Variants in HIPK2 observed in about 807,000 individuals in gnomAD.
The protein encoded by HIPK2 is homeodomain interacting protein kinase 2.
In HIPK2, 27 loss-of-function variants were observed where a neutral mutation model predicts 113.7. That is an observed-to-expected ratio of 0.24 (90% CI 0.17 to 0.33). The LOEUF (loss-of-function observed/expected upper bound fraction) is 0.33. HIPK2 is among the 10% of genes least tolerant of loss of function. The pLI, the probability that HIPK2 is intolerant of heterozygous loss-of-function variation, is 1.00. For missense variants in HIPK2, 1,257 were observed against 1,588.0 expected, an observed-to-expected ratio of 0.79 and a Z score of 3.54; for synonymous variants, 631 against 642.2, an observed-to-expected ratio of 0.98 and a Z score of 0.26.
intron 6 of HIPK2, among the ~76,000 whole-genome samples, chr7:139,623,379 G>C (rs543650903): frequency 1.3e-5 from 2 of 151,912 alleles, no homozygotes; most frequent in African/African-American, 4.8e-5. Context: ...GGTGTGGTGC[G>C]TGTGCCTGCA....
At chr7:139,581,927 A>AGCCTTGTGGAAGGGACAGCT (rs1798682235) in intron 13 of HIPK2, among the ~76,000 whole-genome samples, 1 of 152,226 alleles carries the variant, frequency 6.6e-6, no homozygotes, top group South Asian at 2.1e-4. Context: ...GACAAATTCT[A>AGCCTTGTGGAAGGGACAGCT]TCCTTTGCAA....
intron 1 of HIPK2, among the ~76,000 whole-genome samples, chr7:139,751,279 A>C (rs1796273985): frequency 6.6e-6 from 1 of 152,198 alleles, no homozygotes; most frequent in African/African-American, 2.4e-5. Context: ...TGCCTTCCTA[A>C]TAGCCATTCC....
intron 1 of HIPK2, among the ~76,000 whole-genome samples, chr7:139,724,187 G>GTT (rs1795501695): frequency 6.6e-6 from 1 of 152,024 alleles, no homozygotes; most frequent in African/African-American, 2.4e-5. Context: ...CCTAGAAAGG[G>GTT]TTAATCTGTA....
chr7:139,635,953 C>A (rs1050649054), intron 2 of HIPK2, among the ~76,000 whole-genome samples: 6 of 152,220 alleles, frequency 3.9e-5, no homozygotes, highest in African/African-American at 1.4e-4. Flanking sequence ...GTTCTCAGCT[C>A]CCCTTCAAGG....
chr7:139,769,299 C>T (rs1255760115), intron 1 of HIPK2, among the ~76,000 whole-genome samples: 2 of 152,244 alleles, frequency 1.3e-5, no homozygotes, highest in South Asian at 4.1e-4. Flanking sequence ...CCACCTCCAT[C>T]TCCACGGCCG....
chr7:139,677,195 A>ATG (rs574762242), intron 2 of HIPK2, among the ~76,000 whole-genome samples: 7,157 of 146,754 alleles, frequency 0.049, 551 homozygotes, highest in African/African-American at 0.18. Context: ...ATGTGTGTGT[A>ATG]TGTGTGTGTG....
rs561170011 is a variant in HIPK2, at chr7:139,721,316, T to G, written c.20-4301A>C. ...AGGAATAAGACACTGCTGGTGGTTT[T>G]GTAGCTTAATCTTAAAATAATCTTA... On this transcript the variant is annotated intron_variant, in intron 1 of 14. Coordinates refer to ENST00000406875, the MANE Select transcript of HIPK2 (RefSeq NM_022740.5). 4.6e-5 allele frequency among the ~76,000 whole-genome samples: 7 copies of G among 152,400 alleles called. 1 individual carries two copies. In the South Asian group the frequency reaches 1.0e-3, roughly 23 times the overall value.
At chr7:139,689,941 T>C (rs1426148954) in intron 2 of HIPK2, among the ~76,000 whole-genome samples, 1 of 151,900 alleles carries the variant, frequency 6.6e-6, no homozygotes, top group Non-Finnish European at 1.5e-5. Context: ...TGGGTGGATG[T>C]CCTTGCTCAC....
chr7:139,591,374 G>GTC (rs1239853156), intron 12 of HIPK2, among the ~76,000 whole-genome samples: 1 of 152,162 alleles, frequency 6.6e-6, no homozygotes, highest in Non-Finnish European at 1.5e-5. Flanking sequence ...CTGAAGTCCA[G>GTC]TCTCTCTCTT....
chr7:139,659,782 C>G (rs1413296091), intron 2 of HIPK2, among the ~76,000 whole-genome samples: 1 of 151,798 alleles, frequency 6.6e-6, no homozygotes, highest in African/African-American at 2.4e-5. Flanking sequence ...TTCCTGACAC[C>G]CTATTAGAAA....
At chr7:139,610,275 TAAA>T (rs1304119230) in intron 9 of HIPK2, among the ~76,000 whole-genome samples, 1 of 152,184 alleles carries the variant, frequency 6.6e-6, no homozygotes. Context: ...TGTGCAAACA[TAAA>T]AAAGATCTGT....
rs1798237318 is a variant in HIPK2, at chr7:139,570,602, T to A, written c.*2325A>T. 6.6e-6 allele frequency: 1 copy of A among 152,198 alleles called. No individual in the cohort carries two copies. Among genetic ancestry groups the A allele is most frequent in the African/African-American group, 2.4e-5 (1 of 41,404 alleles). 9.4% of individuals were successfully genotyped at this position (152,198 alleles called of 1,614,324 possible). On this transcript the variant is annotated 3_prime_UTR_variant, in exon 15 of 15. Coordinates refer to ENST00000406875, the MANE Select transcript of HIPK2 (RefSeq NM_022740.5). ...TATAAGTAAGAATTTATGGTTGGGGTGGGGAAGTTTCCAGAGTTATTTCAC... is the reference window on the plus strand; with the variant it reads ...TATAAGTAAGAATTTATGGTTGGGGAGGGGAAGTTTCCAGAGTTATTTCAC...
At chr7:139,739,692 T>C (rs1329064668) in intron 1 of HIPK2, among the ~76,000 whole-genome samples, 2 of 152,014 alleles carry the variant, frequency 1.3e-5, no homozygotes, top group East Asian at 1.9e-4. Context: ...AGAAACCCCA[T>C]ACCCATTAGC....
At chr7:139,596,582 C>A (rs114343267) in intron 12 of HIPK2, 135 bp downstream of exon 12, 4 of 1,183,318 alleles carry the variant, frequency 3.4e-6, no homozygotes, top group Non-Finnish European at 3.6e-6. Flanking sequence ...TTTAGGACCA[C>A]AGTAGATGGC....
intron 2 of HIPK2, among the ~76,000 whole-genome samples, chr7:139,646,959 T>A (rs182837258): frequency 1.2e-4 from 19 of 152,178 alleles, no homozygotes; most frequent in Non-Finnish European, 2.4e-4. Flanking sequence ...GGAAAGCATG[T>A]CTGGCCTGGC....
chr7:139,707,831 G>A (rs189347767), intron 2 of HIPK2, among the ~76,000 whole-genome samples: 2 of 152,182 alleles, frequency 1.3e-5, no homozygotes, highest in Non-Finnish European at 2.9e-5. Flanking sequence ...GCTATCCATC[G>A]TAAGTCATGC....
At chr7:139,755,126 A>C in intron 1 of HIPK2, among the ~76,000 whole-genome samples, 1 of 152,194 alleles carries the variant, frequency 6.6e-6, no homozygotes, top group East Asian at 1.9e-4. Context: ...TGACTTAGGC[A>C]CTGGCACACA....
chr7:139,613,107 T>G lies in HIPK2; in HGVS notation c.2112+95A>C, dbSNP rs1255020625. The G allele has an allele frequency of 1.4e-6, 2 of 1,458,100 alleles. No individual in the cohort carries two copies. Among genetic ancestry groups the G allele is most frequent in the East Asian group, 4.8e-5 (2 of 41,348 alleles). The allele number at this position is 1,458,100 out of a possible 1,614,324, so 90.3% of individuals were successfully genotyped here. ...CAATGACTAGAAGCACCTAACTCATTACTAGGGAGAGAGGGAGTGGAGATA... is the reference window on the plus strand; with the variant it reads ...CAATGACTAGAAGCACCTAACTCATGACTAGGGAGAGAGGGAGTGGAGATA... On this transcript the variant is annotated intron_variant, in intron 9 of 14. Transcript: ENST00000406875. The surrounding 1 kb of genome is among the most constrained non-coding windows in gnomAD (Gnocchi z 4.2).
At chr7:139,761,466 A>T (rs756815971) in intron 1 of HIPK2, among the ~76,000 whole-genome samples, 1 of 152,214 alleles carries the variant, frequency 6.6e-6, no homozygotes, top group Non-Finnish European at 1.5e-5. Flanking sequence ...AGTGAAGCAC[A>T]CTGAATTAGC....
Sources: gnomAD v4.1 joint callset for allele counts (sites outside exome capture counted in the v4.1 genomes callset) on GRCh38, gnomAD v4.1.1 for gene constraint, Gnocchi (gnomAD v3.1) non-coding constraint, MANE v1.5 for transcripts, NCBI Gene and HGNC (gene_info 2026-07-23, HGNC 2026-07-21) for gene names.